OR1J2: variants seen among roughly 807,000 people sequenced by gnomAD.
OR1J2 encodes olfactory receptor 1J2.
For synonymous variants in OR1J2, 142 were observed against 99.7 expected (o/e 1.42, Z -2.52); for missense variants, 304 against 246.1 (o/e 1.24, Z -1.57).
At chr9:122,568,100 G>T in the OR1J2 span, 2 of 1,613,982 alleles carry the variant, frequency 1.2e-6, no homozygotes, top group Non-Finnish European at 1.7e-6. Flanking sequence ...GGTCACAGAC[G>T]GCCACATAGC....
At chr9:122,565,179 A>G in the OR1J2 span, among the ~76,000 whole-genome samples, 1 of 152,228 alleles carries the variant, frequency 6.6e-6, no homozygotes, top group Non-Finnish European at 1.5e-5. Flanking sequence ...TTTTAGAGGA[A>G]ACACATTCTG....
the OR1J2 span, among the ~76,000 whole-genome samples, chr9:122,539,663 A>T: frequency 6.6e-6 from 1 of 152,112 alleles, no homozygotes; most frequent in Non-Finnish European, 1.5e-5. Flanking sequence ...TGGTATTTCT[A>T]GTTCTAGATC....
chr9:122,541,099 CT>C, the OR1J2 span, among the ~76,000 whole-genome samples: 1 of 152,164 alleles, frequency 6.6e-6, no homozygotes, highest in African/African-American at 2.4e-5. Context: ...GTCCTCCTGC[CT>C]TTTGATTCAG....
At chr9:122,523,181 A>G in the OR1J2 span, among the ~76,000 whole-genome samples, 3 of 152,312 alleles carry the variant, frequency 2.0e-5, no homozygotes, top group Middle Eastern at 3.4e-3. Flanking sequence ...AAATGAGTCT[A>G]GGTAGAGTGG....
chr9:122,454,778 C>T, the OR1J2 span, among the ~76,000 whole-genome samples: 17 of 152,234 alleles, frequency 1.1e-4, no homozygotes, highest in South Asian at 2.3e-3. Context: ...TATGGTCAGC[C>T]GTCATGAGAT....
At chr9:122,571,806 C>G in the OR1J2 span, among the ~76,000 whole-genome samples, 2 of 151,928 alleles carry the variant, frequency 1.3e-5, no homozygotes, top group Non-Finnish European at 2.9e-5. Flanking sequence ...GGACTTGAGG[C>G]AGAAGATGCA....
At chr9:122,565,866 C>T in the OR1J2 span, among the ~76,000 whole-genome samples, 88,386 of 151,970 alleles carry the variant, frequency 0.58, 26,215 homozygotes, top group East Asian at 0.97. Context: ...TGTTGACACC[C>T]ATGAGAATAC....
the OR1J2 span, among the ~76,000 whole-genome samples, chr9:122,483,171 C>A: frequency 6.6e-6 from 1 of 152,024 alleles, no homozygotes; most frequent in African/African-American, 2.4e-5. Context: ...TTAAATCGTT[C>A]ATCTATTTGA....
the OR1J2 span, chr9:122,567,737 G>T: frequency 1.2e-6 from 2 of 1,613,922 alleles, no homozygotes; most frequent in African/African-American, 1.3e-5. Flanking sequence ...GCGTCACCAC[G>T]GTGAGGTAAA....
chr9:122,533,958 C>T, the OR1J2 span, among the ~76,000 whole-genome samples: 75 of 152,276 alleles, frequency 4.9e-4, no homozygotes, highest in South Asian at 1.7e-3. Flanking sequence ...GCCAGAGTTC[C>T]AGGGGCTCTG....
chr9:122,479,617 C>T, the OR1J2 span, among the ~76,000 whole-genome samples: 4 of 152,196 alleles, frequency 2.6e-5, no homozygotes, highest in South Asian at 6.2e-4. Context: ...CAGATATTAG[C>T]GAGGCTGTCA....
the OR1J2 span, among the ~76,000 whole-genome samples, chr9:122,557,940 T>C: frequency 1.8e-4 from 27 of 152,132 alleles, no homozygotes; most frequent in Admixed American, 4.6e-4. Context: ...TTTTAGTGGA[T>C]TGTGGCTTTC....
At chr9:122,536,009 C>T in the OR1J2 span, among the ~76,000 whole-genome samples, 3 of 152,066 alleles carry the variant, frequency 2.0e-5, no homozygotes, top group Non-Finnish European at 4.4e-5. Flanking sequence ...AAGATAATGT[C>T]ATCAGTGAAG....
the OR1J2 span, among the ~76,000 whole-genome samples, chr9:122,494,117 A>G: frequency 1.3e-5 from 2 of 152,054 alleles, no homozygotes; most frequent in African/African-American, 4.8e-5. Context: ...GTCTATTGGG[A>G]GAATGCTCCA....
chr9:122,512,174 G>A (rs1416336078), downstream of OR1J2, among the ~76,000 whole-genome samples: 7 of 152,132 alleles, frequency 4.6e-5, no homozygotes, highest in Admixed American at 4.6e-4. Context: ...CTTCATACCA[G>A]TCTCCTTGGA....
At chr9:122,517,766 G>A in the OR1J2 span, among the ~76,000 whole-genome samples, 4 of 151,534 alleles carry the variant, frequency 2.6e-5, no homozygotes, top group African/African-American at 4.9e-5. Context: ...GTGCAGGTTC[G>A]TTACACAGGT....
the OR1J2 span, chr9:122,554,234 T>A: frequency 8.6e-7 from 1 of 1,168,228 alleles, no homozygotes. Context: ...GTAATTCTAC[T>A]ACTGTCATGT....
At chr9:122,513,823 G>A (rs1195231432), downstream of OR1J2, among the ~76,000 whole-genome samples, 2 of 152,000 alleles carry the variant, frequency 1.3e-5, no homozygotes, top group African/African-American at 4.8e-5. Flanking sequence ...AAAAGGGCAA[G>A]CCGCAGACAC....
the OR1J2 span, among the ~76,000 whole-genome samples, chr9:122,527,898 A>G: frequency 6.6e-6 from 1 of 152,218 alleles, no homozygotes; most frequent in South Asian, 2.1e-4. Flanking sequence ...CTTTATGAAG[A>G]TTGTTTCCTT....
Sources: allele counts gnomAD v4.1 joint callset (sites outside exome capture counted in the v4.1 genomes callset), GRCh38; gene constraint gnomAD v4.1.1; transcripts MANE v1.5; gene names NCBI Gene and HGNC (gene_info 2026-07-23, HGNC 2026-07-21).